Variants in ATP6V0A2 observed in about 807,000 individuals in gnomAD.
ATP6V0A2 encodes V-type proton ATPase 116 kDa subunit a 2.
Under a neutral mutation model 104.4 loss-of-function variants are expected in ATP6V0A2, and 58 were observed. The observed-to-expected ratio is 0.56, with a 90% CI of 0.45 to 0.69. The LOEUF (loss-of-function observed/expected upper bound fraction) is 0.69. ATP6V0A2 is among the 30% of genes least tolerant of loss of function. ATP6V0A2 has a pLI of 0.00. For synonymous variants in ATP6V0A2, 376 were observed against 397.9 expected (o/e 0.95, Z 0.65); for missense variants, 938 against 1,062.9 (o/e 0.88, Z 1.63).
rs1045871583 is a variant in ATP6V0A2, at chr12:123,744,416, G to A, written c.1326+79G>A. The A allele has an allele frequency of 1.2e-4, 197 of 1,597,312 alleles. No individual in the cohort carries two copies. The highest frequency in any genetic ancestry group is 5.2e-4 in the Middle Eastern group (3 of 5,776). On this transcript the variant is annotated intron_variant, in intron 11 of 19. Transcript: ENST00000330342. This position sits in a 1 kb window ranked among gnomAD's most constrained non-coding sequence, Gnocchi z 5.4. ...ACCGAAAGAGAGACACCTCTTAGAT[G>A]TTTGCTGTAGGCTGCGGCTGTGCTG...
intron 1 of ATP6V0A2, among the ~76,000 whole-genome samples, chr12:123,715,615 G>A (rs1315029816): frequency 6.6e-6 from 1 of 152,150 alleles, no homozygotes; most frequent in African/African-American, 2.4e-5. Context: ...CAACATGAAT[G>A]ATATACTGTA....
At chr12:123,728,325 A>G (rs10773026) in intron 6 of ATP6V0A2, among the ~76,000 whole-genome samples, 102,855 of 151,306 alleles carry the variant, frequency 0.68, 35,366 homozygotes, top group East Asian at 0.95. Flanking sequence ...GGCCTCAAGC[A>G]ATCCTCCCAC....
intron 6 of ATP6V0A2, 63 bp from the exon 7 acceptor site, chr12:123,733,863 C>A (rs1956527066): frequency 8.6e-7 from 1 of 1,168,034 alleles, no homozygotes; most frequent in Non-Finnish European, 1.3e-6. Context: ...AGTGTTTGAG[C>A]TGCCGAAGTT....
chr12:123,726,713 T>TGC (rs538468255), intron 5 of ATP6V0A2, among the ~76,000 whole-genome samples: 7 of 152,316 alleles, frequency 4.6e-5, no homozygotes, highest in Non-Finnish European at 8.8e-5. Context: ...TGTTTCCTCG[T>TGC]GCGATTTGTG....
At chr12:123,713,421 T>C (rs1284977984) in intron 1 of ATP6V0A2, among the ~76,000 whole-genome samples, 1 of 152,176 alleles carries the variant, frequency 6.6e-6, no homozygotes, top group Non-Finnish European at 1.5e-5. Flanking sequence ...GTTTGTCCAT[T>C]TACTTGTTTA....
At chr12:123,748,299 T>G (rs1247248679) in intron 14 of ATP6V0A2, among the ~76,000 whole-genome samples, 1 of 152,196 alleles carries the variant, frequency 6.6e-6, no homozygotes, top group Admixed American at 6.5e-5. Context: ...ACTAATATTG[T>G]GTAGCCTTAC....
At position 123,744,824 on chromosome 12, in the gene ATP6V0A2, A is replaced by G. The variant is rs200568883; in HGVS notation, c.1514+40A>G. On this transcript the variant is annotated intron_variant, in intron 12 of 19. Coordinates refer to ENST00000330342, the MANE Select transcript of ATP6V0A2 (RefSeq NM_012463.4). The surrounding 1 kb of genome is among the most constrained non-coding windows in gnomAD (Gnocchi z 5.4). ...GCTGGTGATGCTCTGGGTGGAAAGC[A>G]TGTTTCCTAGACCTTCCTCCTCCCA... The G allele has an allele frequency of 1.2e-6, 2 of 1,614,030 alleles. No homozygotes were observed. Among genetic ancestry groups the G allele is most frequent in the South Asian group, 1.1e-5 (1 of 91,078 alleles).
In ATP6V0A2 at chr12:123,722,205, G is replaced by A. The variant is rs867165176; in HGVS notation, c.197-146G>A. 1.2e-5 allele frequency: 8 copies of A among 690,812 alleles called. No individual in the cohort carries two copies. In the African/African-American group the frequency reaches 1.4e-4, roughly 12 times the overall value. The allele number at this position is 690,812 out of a possible 1,614,324, so 42.8% of individuals were successfully genotyped here. A position where few individuals can be genotyped will look rare whatever the true frequency, so the allele number is the denominator to read the frequency against. On this transcript the variant is annotated intron_variant, in intron 2 of 19. Coordinates refer to ENST00000330342, the MANE Select transcript of ATP6V0A2 (RefSeq NM_012463.4). ...GAAACAAGGTTGCAAAAAGTGACCA[G>A]TAAGTCAGTTGGGACAAGCAAGATT...
chr12:123,744,466 C>T lies in ATP6V0A2; in HGVS notation c.1326+129C>T, dbSNP rs529024504. 106 of 1,553,738 alleles carry T rather than the reference C, an allele frequency of 6.8e-5. No homozygotes were observed. In the African/African-American group the frequency reaches 9.9e-4, roughly 15 times the overall value. ...GGGCAGGTGTGTGGCCTGTCAGCTGCGGCTGACAGGGATGTCTGCGGGGCG... is the reference window on the plus strand; with the variant it reads ...GGGCAGGTGTGTGGCCTGTCAGCTGTGGCTGACAGGGATGTCTGCGGGGCG... On this transcript the variant is annotated intron_variant, in intron 11 of 19. Transcript: ENST00000330342. The surrounding 1 kb of genome is among the most constrained non-coding windows in gnomAD (Gnocchi z 5.4).
chr12:123,747,566 A>T (rs1566289114), intron 13 of ATP6V0A2, 41 bp from the exon 14 acceptor site: 11 of 1,312,292 alleles, frequency 8.4e-6, no homozygotes, highest in Non-Finnish European at 1.2e-5. Flanking sequence ...CTGTTGAAGG[A>T]AGTTAAAGAT....
At position 123,756,706 on chromosome 12, in the gene ATP6V0A2, A is replaced by G. The variant is rs545921610; in HGVS notation, c.2294-109A>G. The G allele has an allele frequency of 1.2e-3, 1,357 of 1,151,450 alleles. 11 individuals carry two copies. The highest frequency in any genetic ancestry group is 6.5e-3 in the Middle Eastern group (22 of 3,394). The allele number at this position is 1,151,450 out of a possible 1,614,324, so 71.3% of individuals were successfully genotyped here. A position where few individuals can be genotyped will look rare whatever the true frequency, so the allele number is the denominator to read the frequency against. On this transcript the variant is annotated intron_variant, in intron 18 of 19. Transcript: ENST00000330342. ...GTGTTACATGTGTGTCTATTATTTT[A>G]TGGGATAATAGTTCAGGGCCGTCAG...
rs746099453 is a variant in ATP6V0A2, at chr12:123,712,701, A to G, written c.117+19A>G. ...CCGAGACGTGAGTGTCGCCCGGGAG[A>G]CGCGGGCCGCACCTGCTCTCCTGGC... On this transcript the variant is annotated intron_variant, in intron 1 of 19. Coordinates refer to ENST00000330342, the MANE Select transcript of ATP6V0A2 (RefSeq NM_012463.4). 15 of 1,592,566 alleles carry G rather than the reference A, an allele frequency of 9.4e-6. No homozygotes were observed. In the South Asian group the frequency reaches 1.3e-4, roughly 14 times the overall value.
chr12:123,725,809 GA>G (rs1382494213), intron 4 of ATP6V0A2, among the ~76,000 whole-genome samples: 5 of 147,648 alleles, frequency 3.4e-5, no homozygotes, highest in South Asian at 4.3e-4. Context: ...AAAAAAAAAA[GA>G]AAAAAAATTA....
In ATP6V0A2 at chr12:123,760,737, AAGG is replaced by A. The variant is rs926215197; in HGVS notation, c.*2708_*2710del. On this transcript the variant is annotated 3_prime_UTR_variant, in exon 20 of 20. Transcript: ENST00000330342. ...GAGACTGTAATTGCCGTGGTCAGTTAAGGAGTGCAAAGGGTGTTCTGTCTGATA... is the reference window on the plus strand; with the variant it reads ...GAGACTGTAATTGCCGTGGTCAGTTAAGTGCAAAGGGTGTTCTGTCTGATA... 7 of 152,158 alleles carry A rather than the reference AAGG, an allele frequency of 4.6e-5. No individual in the cohort carries two copies. The highest frequency in any genetic ancestry group is 1.7e-4 in the African/African-American group (7 of 41,424). The allele number at this position is 152,158 out of a possible 1,614,324, so 9.4% of individuals were successfully genotyped here.
intron 1 of ATP6V0A2, 59 bp downstream of exon 1, chr12:123,712,741 G>T: frequency 2.1e-6 from 3 of 1,406,924 alleles, no homozygotes; most frequent in African/African-American, 1.4e-5. Context: ...CCAATCCCGC[G>T]CATCGCTGGG....
chr12:123,748,965 C>T (rs2135914970), intron 15 of ATP6V0A2, among the ~76,000 whole-genome samples, 180 bp downstream of exon 15: 1 of 152,274 alleles, frequency 6.6e-6, no homozygotes, highest in South Asian at 2.1e-4. Flanking sequence ...GCAGCATGAC[C>T]AAACTCGCTG....
rs1299757566 is a variant in ATP6V0A2 at position 123,759,308 on chromosome 12, C to CT, written c.*1283dup. The CT allele has an allele frequency of 6.6e-6, 1 of 152,224 alleles. No homozygotes were observed. Among genetic ancestry groups the CT allele is most frequent in the African/African-American group, 2.4e-5 (1 of 41,534 alleles). The allele number at this position is 152,224 out of a possible 1,614,324, so 9.4% of individuals were successfully genotyped here. A position where few individuals can be genotyped will look rare whatever the true frequency, so the allele number is the denominator to read the frequency against. ...TATCCTTGAGAACAGTCTAATGATA[C>CT]TTTTTTTACTTTCAGACTGTTTCTA... On this transcript the variant is annotated 3_prime_UTR_variant, in exon 20 of 20. Coordinates refer to ENST00000330342, the MANE Select transcript of ATP6V0A2 (RefSeq NM_012463.4).
Position 123,757,041 on chromosome 12 carries a change from C to T in ATP6V0A2, c.2465+55C>T, listed in dbSNP as rs537432885. The T allele has an allele frequency of 6.3e-6, 10 of 1,587,576 alleles. No individual in the cohort carries two copies. In the Admixed American group the frequency reaches 1.0e-4, roughly 16 times the overall value. ...TATTTAAAAAACATACCCGCCCCCC[C>T]ACTGCCCCGCCCAACCAAATATACA... On this transcript the variant is annotated intron_variant, in intron 19 of 19. Coordinates refer to ENST00000330342, the MANE Select transcript of ATP6V0A2 (RefSeq NM_012463.4).
intron 9 of ATP6V0A2, among the ~76,000 whole-genome samples, chr12:123,742,535 C>T (rs186438410): frequency 7.6e-4 from 116 of 152,262 alleles, no homozygotes; most frequent in African/African-American, 1.1e-3. Context: ...TACATGCATA[C>T]GTTTTAAGAG....
Sources: allele counts gnomAD v4.1 joint callset (sites outside exome capture counted in the v4.1 genomes callset), GRCh38; gene constraint gnomAD v4.1.1; non-coding constraint Gnocchi (gnomAD v3.1); transcripts MANE v1.5; gene names NCBI Gene and HGNC (gene_info 2026-07-23, HGNC 2026-07-21).